PGAP1: variants seen among roughly 807,000 people sequenced by gnomAD.
The protein encoded by PGAP1 is GPI inositol-deacylase.
Under a neutral mutation model 127.0 loss-of-function variants are expected in PGAP1, and 76 were observed. The observed-to-expected ratio is 0.60, with a 90% CI of 0.50 to 0.72. PGAP1 has a LOEUF of 0.72. Ranked by LOEUF, PGAP1 falls within the 30% of genes least tolerant of loss-of-function variation. PGAP1 has a pLI of 0.00. For missense variants in PGAP1, 982 were observed against 1,071.3 expected (o/e 0.92, Z 1.16); for synonymous variants, 362 against 366.5 (o/e 0.99, Z 0.14).
intron 7 of PGAP1, 136 bp downstream of exon 7, chr2:196,896,995 C>T (rs1049219174): frequency 6.2e-6 from 3 of 481,228 alleles, no homozygotes; most frequent in African/African-American, 6.1e-5. Context: ...CATTTTGGAA[C>T]TAATTAAAAT....
intron 20 of PGAP1, among the ~76,000 whole-genome samples, chr2:196,863,976 T>C (rs184384788): frequency 6.6e-6 from 1 of 152,348 alleles, no homozygotes; most frequent in East Asian, 1.9e-4. Flanking sequence ...AGTTGATGGA[T>C]ATCCTAATTA....
At chr2:196,859,329 A>C (rs1412207320) in intron 20 of PGAP1, among the ~76,000 whole-genome samples, 2 of 152,182 alleles carry the variant, frequency 1.3e-5, no homozygotes, top group African/African-American at 4.8e-5. Context: ...TCTGTCTAAA[A>C]ACAAACAAAC....
chr2:196,876,510 G>A (rs60547449), intron 13 of PGAP1, among the ~76,000 whole-genome samples: 15,517 of 151,984 alleles, frequency 0.1, 957 homozygotes, highest in African/African-American at 0.17. Flanking sequence ...ATTTCTATTA[G>A]CTGCATAAGA....
chr2:196,922,017 A>C (rs1703211518), intron 1 of PGAP1: 1 of 458,292 alleles, frequency 2.2e-6, no homozygotes, highest in African/African-American at 2.2e-5. Flanking sequence ...GAAAATACTT[A>C]CAGGAGCAGG....
In PGAP1 at chr2:196,926,067, A is replaced by G. The variant is rs541602576; in HGVS notation, c.147+403T>C. Among the ~76,000 whole-genome samples, 160 of 152,234 alleles carry G rather than the reference A, an allele frequency of 1.1e-3. 1 individual carries two copies. Among genetic ancestry groups the G allele is most frequent in the Middle Eastern group, 0.01 (3 of 294 alleles). Reference sequence around the variant, plus strand: ...AAGGAAGGTCCTGGGGCACGGGTTAAGGCAAGAACGCGAGAGGGATGGAGC... The same window carrying G: ...AAGGAAGGTCCTGGGGCACGGGTTAGGGCAAGAACGCGAGAGGGATGGAGC... On this transcript the variant is annotated intron_variant, in intron 1 of 26. Transcript: ENST00000354764.
Position 196,879,186 on chromosome 2 carries a change from G to T in PGAP1, c.1350+890C>A, listed in dbSNP as rs569956583. ...CCTCCTGGGTTCAAATGATTCTCCT[G>T]CTTCAACTTCCCAAGTAGCTGGGAT... On this transcript the variant is annotated intron_variant, in intron 13 of 26. Transcript: ENST00000354764. Among the ~76,000 whole-genome samples, 6 of 152,242 alleles carry T rather than the reference G, an allele frequency of 3.9e-5. No homozygotes were observed. The East Asian group carries it at 1.2e-3, about 29-fold the overall frequency.
intron 3 of PGAP1, among the ~76,000 whole-genome samples, chr2:196,913,806 G>A (rs1345354319): frequency 6.6e-6 from 1 of 152,138 alleles, no homozygotes; most frequent in Admixed American, 6.5e-5. Flanking sequence ...GCTGGAATCT[G>A]GAACCTTATA....
chr2:196,912,692 G>C (rs1254909954), intron 4 of PGAP1, among the ~76,000 whole-genome samples, 190 bp downstream of exon 4: 3 of 150,576 alleles, frequency 2.0e-5, no homozygotes, highest in Admixed American at 1.3e-4. Flanking sequence ...CTTAACAGTA[G>C]TTTCAATTAT....
At chr2:196,914,611 C>A (rs1283146835) in intron 3 of PGAP1, among the ~76,000 whole-genome samples, 2 of 137,786 alleles carry the variant, frequency 1.5e-5, no homozygotes, top group Non-Finnish European at 3.1e-5. Flanking sequence ...CAGAGTGAGA[C>A]CCTGTCTCAA....
rs1230370303 is a variant in PGAP1 at position 196,912,881 on chromosome 2, C to T, written c.649+1G>A. 6.2e-7 allele frequency: 1 copy of T among 1,604,180 alleles called. No homozygotes were observed. Among genetic ancestry groups the T allele is most frequent in the Non-Finnish European group, 8.5e-7 (1 of 1,175,378 alleles). On this transcript the variant is annotated splice_donor_variant, in intron 4 of 26. Transcript: ENST00000354764. LOFTEE classifies it high-confidence loss of function. ...GTTAATGTTCATGTAACAGTACTCA[C>T]CTGTAATGAAACGATCTAATGGCAT...
chr2:196,891,177 C>T (rs1357518077), intron 9 of PGAP1, among the ~76,000 whole-genome samples: 1 of 152,016 alleles, frequency 6.6e-6, no homozygotes, highest in Non-Finnish European at 1.5e-5. Context: ...TTTTGCTCTT[C>T]TAGTTAAGAT....
rs1476345105 is a variant in PGAP1, at chr2:196,834,680, T to G, written c.*6554A>C. ...ATTTATATACAGTATAAATCGGGAG[T>G]TTTTTTTCCACTGCACAGTGGAGGA... On this transcript the variant is annotated 3_prime_UTR_variant, in exon 27 of 27. Coordinates refer to ENST00000354764, the MANE Select transcript of PGAP1 (RefSeq NM_024989.4). 6.6e-6 allele frequency: 1 copy of G among 151,304 alleles called. No homozygotes were observed. Among genetic ancestry groups the G allele is most frequent in the African/African-American group, 2.4e-5 (1 of 41,254 alleles). The allele number at this position is 151,304 out of a possible 1,614,324, so 9.4% of individuals were successfully genotyped here.
Position 196,843,934 on chromosome 2 carries a change from C to A in PGAP1, c.2479G>T (p.Val827Leu). The A allele has an allele frequency of 6.3e-7, 1 of 1,584,522 alleles. No homozygotes were observed. ...ATTAGAGAAGGCATGCTGAGTAATACAATCCATGTTAGTAAGTTAATCACA... is the reference window on the plus strand; with the variant it reads ...ATTAGAGAAGGCATGCTGAGTAATAAAATCCATGTTAGTAAGTTAATCACA... ...STVINLLTWI[V>L]LLSMPSLIYW... Residue 827 changes from valine to leucine, a missense_variant, in exon 25 of 27, where the codon GTA (valine) becomes TTA (leucine). Val to Leu is a conservative substitution (Grantham distance 32). Transcript: ENST00000354764.
At chr2:196,896,828 TAAAAAAAAAAAA>T (rs566717804) in intron 7 of PGAP1, among the ~76,000 whole-genome samples, 2 of 90,622 alleles carry the variant, frequency 2.2e-5, no homozygotes, top group African/African-American at 9.2e-5. Flanking sequence ...GACTCCATCT[TAAAAAAAAAAAA>T]AAAAAAAAAA....
intron 20 of PGAP1, among the ~76,000 whole-genome samples, chr2:196,850,025 G>A (rs1191412498): frequency 1.3e-5 from 2 of 152,156 alleles, no homozygotes; most frequent in Non-Finnish European, 2.9e-5. Flanking sequence ...TCAGCAGATA[G>A]GAGGGTAGGA....
At chr2:196,911,810 C>T (rs368910962) in intron 4 of PGAP1, among the ~76,000 whole-genome samples, 5 of 151,906 alleles carry the variant, frequency 3.3e-5, no homozygotes, top group Admixed American at 1.3e-4. Flanking sequence ...TATTCTGTGA[C>T]GTTATCACTA....
At chr2:196,896,181 T>A (rs992747329) in intron 7 of PGAP1, among the ~76,000 whole-genome samples, 1 of 152,246 alleles carries the variant, frequency 6.6e-6, no homozygotes, top group African/African-American at 2.4e-5. Context: ...GTTCTGCTAA[T>A]TGAACAATTT....
At chr2:196,878,614 TA>T (rs1446484167) in intron 13 of PGAP1, among the ~76,000 whole-genome samples, 1 of 152,126 alleles carries the variant, frequency 6.6e-6, no homozygotes, top group African/African-American at 2.4e-5. Flanking sequence ...TCTTCCCAAA[TA>T]AATGATTTCT....
intron 4 of PGAP1, among the ~76,000 whole-genome samples, chr2:196,904,234 A>G (rs1403420148): frequency 6.6e-6 from 1 of 152,224 alleles, no homozygotes; most frequent in Non-Finnish European, 1.5e-5. Flanking sequence ...GCAGATCTTC[A>G]GTCTCTTACT....
Sources: gnomAD v4.1 joint callset for allele counts (sites outside exome capture counted in the v4.1 genomes callset) on GRCh38, gnomAD v4.1.1 for gene constraint, MANE v1.5 for transcripts, NCBI Gene and HGNC (gene_info 2026-07-23, HGNC 2026-07-21) for gene names.